Variants in CCDC148 observed in about 807,000 individuals in gnomAD.
CCDC148 encodes the protein coiled-coil domain containing 148.
CCDC148 carries 89 observed loss-of-function variants against 85.7 expected under a neutral mutation model. That is an observed-to-expected ratio of 1.04 (90% CI 0.87 to 1.24). The LOEUF (loss-of-function observed/expected upper bound fraction) is 1.24. Ranked by LOEUF, CCDC148 falls within the 50% of genes most tolerant of loss-of-function variation. CCDC148 has a pLI of 0.00. For missense variants in CCDC148, 692 were observed against 671.7 expected (o/e 1.03, Z -0.33); for synonymous variants, 230 against 213.9 (o/e 1.08, Z -0.66).
intron 9 of CCDC148, among the ~76,000 whole-genome samples, chr2:158,302,139 A>G (rs1256095729): frequency 1.3e-5 from 2 of 152,216 alleles, no homozygotes; most frequent in African/African-American, 4.8e-5. Flanking sequence ...ACTTGAACAC[A>G]TAGGAAGCAT....
intron 9 of CCDC148, among the ~76,000 whole-genome samples, chr2:158,280,665 C>T (rs551359251): frequency 4.6e-5 from 7 of 152,318 alleles, no homozygotes; most frequent in South Asian, 4.1e-4. Flanking sequence ...TAGACTACCA[C>T]ACATTAATAA....
intron 1 of CCDC148, among the ~76,000 whole-genome samples, chr2:158,436,087 G>T (rs1337299556): frequency 3.9e-5 from 6 of 152,084 alleles, no homozygotes; most frequent in African/African-American, 1.4e-4. Flanking sequence ...AAGTTAACAA[G>T]GATACCCAGG....
At chr2:158,179,108 T>G (rs1397800626) in intron 11 of CCDC148, 112 bp from the exon 12 acceptor site, 6 of 612,728 alleles carry the variant, frequency 9.8e-6, no homozygotes, top group Admixed American at 2.8e-5. Flanking sequence ...ACTGTCACAT[T>G]TTTTTTTTTA....
chr2:158,368,092 C>A (rs1045346143), intron 1 of CCDC148, among the ~76,000 whole-genome samples: 8 of 152,108 alleles, frequency 5.3e-5, no homozygotes, highest in African/African-American at 1.9e-4. Flanking sequence ...AATTAATACA[C>A]TGGCCAAACC....
chr2:158,210,046 T>C (rs935943268), intron 11 of CCDC148, among the ~76,000 whole-genome samples: 2 of 152,124 alleles, frequency 1.3e-5, no homozygotes, highest in African/African-American at 4.8e-5. Context: ...GACCCATTGG[T>C]GTGCTCTATT....
intron 1 of CCDC148, among the ~76,000 whole-genome samples, chr2:158,413,603 C>CTTTTTTTT (rs4028060): frequency 6.7e-6 from 1 of 148,732 alleles, no homozygotes; most frequent in Admixed American, 6.7e-5. Context: ...TTTCTCTTGC[C>CTTTTTTTT]TTTTTTTTTT....
At chr2:158,179,565 CT>C in intron 11 of CCDC148, among the ~76,000 whole-genome samples, 1 of 152,188 alleles carries the variant, frequency 6.6e-6, no homozygotes, top group East Asian at 1.9e-4. Context: ...ATGGCTCTGG[CT>C]AACCTGCCCT....
chr2:158,311,447 G>A (rs1403945421), intron 8 of CCDC148, among the ~76,000 whole-genome samples: 1 of 152,218 alleles, frequency 6.6e-6, no homozygotes, highest in Non-Finnish European at 1.5e-5. Context: ...GCAACAGAGG[G>A]AGACTGTGGA....
chr2:158,263,486 A>C (rs61366049), intron 9 of CCDC148, among the ~76,000 whole-genome samples: 1 of 152,038 alleles, frequency 6.6e-6, no homozygotes, highest in Admixed American at 6.6e-5. Context: ...GACAAGGTGT[A>C]TGCCAATTTT....
At chr2:158,390,087 A>G (rs1685242731) in intron 1 of CCDC148, among the ~76,000 whole-genome samples, 1 of 152,190 alleles carries the variant, frequency 6.6e-6, no homozygotes, top group African/African-American at 2.4e-5. Flanking sequence ...TCTACCCTAT[A>G]TGCTGCTTAG....
chr2:158,359,733 G>T (rs1223174358), intron 1 of CCDC148, among the ~76,000 whole-genome samples: 2 of 152,146 alleles, frequency 1.3e-5, no homozygotes, highest in East Asian at 3.9e-4. Context: ...CAGAGCCCCG[G>T]GTTTCAAGCA....
Position 158,436,741 on chromosome 2 carries a change from A to G in CCDC148, c.25+19674T>C, listed in dbSNP as rs190960019. Among the ~76,000 whole-genome samples, 745 of 152,310 alleles carry G rather than the reference A, an allele frequency of 4.9e-3. 3 individuals are homozygous for G. Among genetic ancestry groups the G allele is most frequent in the African/African-American group, 0.017 (709 of 41,562 alleles). On this transcript the variant is annotated intron_variant, in intron 1 of 13. Coordinates refer to ENST00000283233, the MANE Select transcript of CCDC148 (RefSeq NM_138803.4). ...TTGATAGACCGCTAGCAAGACTAATAAAAAGAAAAGAGAGAAGAATCAAAT... is the reference window on the plus strand; with the variant it reads ...TTGATAGACCGCTAGCAAGACTAATGAAAAGAAAAGAGAGAAGAATCAAAT...
chr2:158,218,909 A>C (rs1687027814), intron 11 of CCDC148, among the ~76,000 whole-genome samples: 1 of 152,204 alleles, frequency 6.6e-6, no homozygotes, highest in South Asian at 2.1e-4. Flanking sequence ...CCTGGGAAAT[A>C]ATGTGCATTT....
At chr2:158,237,555 G>C (rs1688163679) in intron 10 of CCDC148, among the ~76,000 whole-genome samples, 1 of 152,176 alleles carries the variant, frequency 6.6e-6, no homozygotes, top group South Asian at 2.1e-4. Context: ...CTTTCGGCCT[G>C]AGTGCTAGCA....
intron 10 of CCDC148, among the ~76,000 whole-genome samples, chr2:158,234,369 G>C (rs183841939): frequency 6.6e-6 from 1 of 152,110 alleles, no homozygotes; most frequent in Non-Finnish European, 1.5e-5. Context: ...AACTGTTTGC[G>C]TTTCAGCTAC....
At chr2:158,180,301 GA>G (rs1273424206) in intron 11 of CCDC148, among the ~76,000 whole-genome samples, 1 of 152,120 alleles carries the variant, frequency 6.6e-6, no homozygotes, top group African/African-American at 2.4e-5. Flanking sequence ...AGGTCATTTA[GA>G]CCTCACAACA....
intron 1 of CCDC148, among the ~76,000 whole-genome samples, chr2:158,445,398 AT>A (rs1217702835): frequency 6.6e-6 from 1 of 152,118 alleles, no homozygotes; most frequent in African/African-American, 2.4e-5. Context: ...ACCACTGGAG[AT>A]TTCATTGACC....
Position 158,401,850 on chromosome 2 carries a change from A to T in CCDC148, c.26-43280T>A, listed in dbSNP as rs536471292. 5.9e-5 allele frequency among the ~76,000 whole-genome samples: 9 copies of T among 152,120 alleles called. 1 individual carries two copies. The highest frequency in any genetic ancestry group is 2.2e-4 in the African/African-American group (9 of 41,530). On this transcript the variant is annotated intron_variant, in intron 1 of 13. Transcript: ENST00000283233. ...GGGGAGAACATATCAGAATTGTTGC[A>T]AAGTGGAAATGGAGTGCAAACTGTG...
chr2:158,174,458 AC>A (rs1684474381), intron 13 of CCDC148, among the ~76,000 whole-genome samples: 1 of 146,760 alleles, frequency 6.8e-6, no homozygotes, highest in Non-Finnish European at 1.5e-5. Context: ...ACCCATGCCC[AC>A]CCCCACCAAT....
Sources: gnomAD v4.1 joint callset for allele counts (sites outside exome capture counted in the v4.1 genomes callset) on GRCh38, gnomAD v4.1.1 for gene constraint, MANE v1.5 for transcripts, NCBI Gene and HGNC (gene_info 2026-07-23, HGNC 2026-07-21) for gene names.